Variants in CSPP1 observed in about 807,000 individuals in gnomAD.
The protein encoded by CSPP1 is centrosome and spindle pole associated protein 1, also known as centrosome and spindle pole-associated protein 1.
In CSPP1, 126 loss-of-function variants were observed where a neutral mutation model predicts 164.4. The observed-to-expected ratio is 0.77, with a 90% CI of 0.66 to 0.89. The LOEUF is 0.89. Ranked by LOEUF, CSPP1 falls within the 40% of genes least tolerant of loss-of-function variation. The probability of loss-of-function intolerance (pLI) is 0.00; values close to 1 mark genes in which losing one functional copy is unlikely to be tolerated. For synonymous variants in CSPP1, 472 were observed against 476.7 expected, an observed-to-expected ratio of 0.99 and a Z score of 0.13; for missense variants, 1,395 against 1,449.8, an observed-to-expected ratio of 0.96 and a Z score of 0.61.
chr8:67,111,893 G>A, intron 9 of CSPP1, 79 bp from the exon 10 acceptor site: 2 of 762,638 alleles, frequency 2.6e-6, no homozygotes, highest in East Asian at 5.3e-5. Flanking sequence ...AATTAAGATG[G>A]AGTTTTTAAG....
At chr8:67,075,340 T>C (rs1807688788) in intron 2 of CSPP1, among the ~76,000 whole-genome samples, 1 of 151,980 alleles carries the variant, frequency 6.6e-6, no homozygotes, top group African/African-American at 2.4e-5. Flanking sequence ...TTGTTCAAGA[T>C]GATCCTGGTT....
At chr8:67,094,455 G>T (rs1020494502) in intron 6 of CSPP1, among the ~76,000 whole-genome samples, 1 of 151,688 alleles carries the variant, frequency 6.6e-6, no homozygotes, top group African/African-American at 2.4e-5. Flanking sequence ...TGTATTTTTA[G>T]TAGAGTTGGG....
chr8:67,087,678 G>A (rs1810689523), intron 4 of CSPP1, among the ~76,000 whole-genome samples: 1 of 152,124 alleles, frequency 6.6e-6, no homozygotes, highest in African/African-American at 2.4e-5. Flanking sequence ...AGCCTGACTG[G>A]GTCAGAGTAT....
Position 67,195,591 on chromosome 8 carries a change from T to TAAA in CSPP1, c.3681_*2dup. 1 of 1,613,766 alleles carries TAAA rather than the reference T, an allele frequency of 6.2e-7. No individual in the cohort carries two copies. The highest frequency in any genetic ancestry group is 8.5e-7 in the Non-Finnish European group (1 of 1,179,728). ...GCAGGGCCTGTCGACTGCACATGGT[T>TAAA]AAAATAAACCTGTACTGGACCCAGT... is the stretch of plus-strand genomic sequence containing the variant. On this transcript the variant is annotated inframe_insertion and stop_retained_variant, in exon 31 of 31. Transcript: ENST00000678616.
intron 3 of CSPP1, among the ~76,000 whole-genome samples, chr8:67,078,519 T>TA: frequency 6.6e-6 from 1 of 152,168 alleles, no homozygotes; most frequent in South Asian, 2.1e-4. Context: ...AACTTTTTTT[T>TA]ATATACATAT....
chr8:67,070,175 T>C (rs1179126426), intron 1 of CSPP1, among the ~76,000 whole-genome samples: 1 of 151,822 alleles, frequency 6.6e-6, no homozygotes, highest in Admixed American at 6.6e-5. Flanking sequence ...TAAAAATGGC[T>C]GAAATAAGTC....
intron 28 of CSPP1, among the ~76,000 whole-genome samples, chr8:67,188,020 TGATAAGCCG>T (rs1156513363): frequency 6.6e-6 from 1 of 152,188 alleles, no homozygotes; most frequent in African/African-American, 2.4e-5. Context: ...AAGAAATAAT[TGATAAGCCG>T]GACTTTGTAA....
rs538596878 is a variant in CSPP1 at position 67,188,617 on chromosome 8, C to A, written c.3221-2033C>A. Reference sequence around the variant, plus strand: ...TCTTGGAACTGCATGCTCTTCTGGTCCATGTTTGTTACGGCTCGAGCTGAG... The same window carrying A: ...TCTTGGAACTGCATGCTCTTCTGGTACATGTTTGTTACGGCTCGAGCTGAG... On this transcript the variant is annotated intron_variant, in intron 28 of 30. Transcript: ENST00000678616. Among the ~76,000 whole-genome samples the A allele has an allele frequency of 9.2e-5, 14 of 152,306 alleles. 1 individual carries two copies. The South Asian group carries it at 2.5e-3, about 27-fold the overall frequency.
At position 67,191,171 on chromosome 8, in the gene CSPP1, A is replaced by G. The variant is rs193153972; in HGVS notation, c.3330+412A>G. Among the ~76,000 whole-genome samples the G allele has an allele frequency of 3.3e-5, 5 of 152,372 alleles. No individual in the cohort carries two copies. The East Asian group carries it at 9.6e-4, about 29-fold the overall frequency. The stretch of plus-strand genomic sequence containing the variant: ...CACATGGGCAAGAAGGCTGAGATTC[A>G]AACCCATGTTCTCCTCACTCTGCTC... On this transcript the variant is annotated intron_variant, in intron 29 of 30. Coordinates refer to ENST00000678616, the MANE Select transcript of CSPP1 (RefSeq NM_001382391.1).
rs764343140 is a variant in CSPP1 at position 67,095,717 on chromosome 8, T to C, written c.908T>C (p.Val303Ala). 1.3e-6 allele frequency: 2 copies of C among 1,568,626 alleles called. No homozygotes were observed. The highest frequency in any genetic ancestry group is 1.9e-5 in the Admixed American group (1 of 53,986). Residue 303 changes from valine (V) to alanine (A), a missense_variant, in exon 7 of 31, where the codon GTG becomes GCG. Val to Ala is a moderately conservative substitution (Grantham distance 64, BLOSUM62 0). Coordinates refer to ENST00000678616, the MANE Select transcript of CSPP1 (RefSeq NM_001382391.1). The part of the protein sequence containing the change: ...ESDFDRRLSR[V>A]YTNDRMHRNK... The stretch of plus-strand genomic sequence containing the variant: ...GATTTTGATAGAAGACTTTCGAGAG[T>C]GTATACAAATGACAGGTATTTACAA...
intron 30 of CSPP1, among the ~76,000 whole-genome samples, chr8:67,194,888 T>G (rs963155746): frequency 2.0e-4 from 30 of 152,190 alleles, no homozygotes; most frequent in Non-Finnish European, 4.0e-4. Flanking sequence ...GGAAGTAATC[T>G]CATGCCAACT....
intron 3 of CSPP1, among the ~76,000 whole-genome samples, chr8:67,077,481 G>T (rs1275279309): frequency 2.0e-5 from 3 of 152,066 alleles, no homozygotes; most frequent in African/African-American, 7.2e-5. Context: ...GATTACAGGC[G>T]CATGCCACCA....
intron 3 of CSPP1, among the ~76,000 whole-genome samples, chr8:67,082,512 G>T (rs1187276397): frequency 6.6e-6 from 1 of 152,100 alleles, no homozygotes; most frequent in Non-Finnish European, 1.5e-5. Context: ...TCCTCAATTA[G>T]TCACATCTCC....
intron 21 of CSPP1, among the ~76,000 whole-genome samples, chr8:67,159,858 TTC>T (rs1369568231): frequency 1.1e-3 from 26 of 24,278 alleles, no homozygotes; most frequent in South Asian, 5.1e-3. Flanking sequence ...TTCTTTTTCT[TTC>T]TTTCTTTCTT....
At chr8:67,079,506 G>A (rs1180045984) in intron 3 of CSPP1, among the ~76,000 whole-genome samples, 1 of 152,018 alleles carries the variant, frequency 6.6e-6, no homozygotes, top group Non-Finnish European at 1.5e-5. Context: ...CTTTTATGAG[G>A]CCTCTGTTGT....
chr8:67,064,604 G>A, intron 1 of CSPP1, 66 bp downstream of exon 1: 2 of 1,445,598 alleles, frequency 1.4e-6, no homozygotes, highest in Non-Finnish European at 1.8e-6. Flanking sequence ...GCCCCGGAGC[G>A]GGGGCAGGGG....
chr8:67,141,777 A>C (rs992336742), intron 17 of CSPP1, among the ~76,000 whole-genome samples: 7 of 152,218 alleles, frequency 4.6e-5, no homozygotes, highest in Non-Finnish European at 8.8e-5. Context: ...GGCCTCCCAA[A>C]GTGCTAGGAT....
chr8:67,193,232 G>C (rs931774013), intron 29 of CSPP1, among the ~76,000 whole-genome samples: 1 of 152,032 alleles, frequency 6.6e-6, no homozygotes, highest in Non-Finnish European at 1.5e-5. Context: ...CAAGTAGCCG[G>C]GGACTACAGG....
intron 4 of CSPP1, among the ~76,000 whole-genome samples, chr8:67,089,583 C>G (rs1281410493): frequency 6.6e-6 from 1 of 152,088 alleles, no homozygotes; most frequent in African/African-American, 2.4e-5. Context: ...TATAATTACT[C>G]CTCATTATGT....
Sources: gnomAD v4.1 joint callset for allele counts (sites outside exome capture counted in the v4.1 genomes callset) on GRCh38, gnomAD v4.1.1 for gene constraint, MANE v1.5 for transcripts, NCBI Gene and HGNC (gene_info 2026-07-23, HGNC 2026-07-21) for gene names.